The following DPYD variants were observed in gnomAD, a reference collection of about 807,000 sequenced individuals.
DPYD encodes dihydropyrimidine dehydrogenase.
DPYD carries 109 observed loss-of-function variants against 116.2 expected under a neutral mutation model. The observed-to-expected ratio is 0.94, with a 90% confidence interval of 0.80 to 1.10. The LOEUF (loss-of-function observed/expected upper bound fraction) is 1.10. Ranked by LOEUF, DPYD falls within the 50% of genes least tolerant of loss-of-function variation. The pLI is 0.00. For synonymous variants in DPYD, 440 were observed against 432.0 expected, an observed-to-expected ratio of 1.02 and a Z score of -0.23; for missense variants, 1,302 against 1,254.5, an observed-to-expected ratio of 1.04 and a Z score of -0.57.
chr1:97,530,977 G>T (rs1246421133), intron 12 of DPYD, among the ~76,000 whole-genome samples: 1 of 151,840 alleles, frequency 6.6e-6, no homozygotes, highest in African/African-American at 2.4e-5. Context: ...TAAATATTTT[G>T]CTATTGAATT....
intron 5 of DPYD, among the ~76,000 whole-genome samples, chr1:97,703,175 G>T (rs185975851): frequency 3.9e-5 from 6 of 151,904 alleles, no homozygotes; most frequent in Admixed American, 2.6e-4. Flanking sequence ...GGTTTTCCCC[G>T]AGTTTAACAG....
chr1:97,507,564 A>C (rs542471935), intron 13 of DPYD, among the ~76,000 whole-genome samples: 1 of 152,152 alleles, frequency 6.6e-6, no homozygotes, highest in East Asian at 1.9e-4. Flanking sequence ...CAAGGTTTCC[A>C]AAATGAGTTT....
At chr1:97,787,076 A>G (rs1319589956) in intron 3 of DPYD, among the ~76,000 whole-genome samples, 2 of 152,218 alleles carry the variant, frequency 1.3e-5, no homozygotes, top group Admixed American at 1.3e-4. Flanking sequence ...TTTCCATACA[A>G]TAGTAATGAA....
At chr1:97,847,476 C>T (rs983030347) in intron 2 of DPYD, among the ~76,000 whole-genome samples, 1 of 152,092 alleles carries the variant, frequency 6.6e-6, no homozygotes, top group Non-Finnish European at 1.5e-5. Context: ...GAACACATTT[C>T]AAACACAGGC....
chr1:97,403,317 A>C (rs962935423), intron 14 of DPYD, among the ~76,000 whole-genome samples: 11 of 152,070 alleles, frequency 7.2e-5, no homozygotes, highest in Non-Finnish European at 1.5e-4. Context: ...TTGCTTTTGC[A>C]TCATCTTGAA....
At chr1:97,362,583 T>A (rs1342959718) in intron 16 of DPYD, among the ~76,000 whole-genome samples, 3 of 152,172 alleles carry the variant, frequency 2.0e-5, no homozygotes. Context: ...CAAGACAGCA[T>A]GATACTGGTA....
intron 14 of DPYD, among the ~76,000 whole-genome samples, chr1:97,398,581 G>A (rs12044876): frequency 0.19 from 29,094 of 151,840 alleles, 2,957 homozygotes; most frequent in South Asian, 0.37. Context: ...TAGTGTTCCT[G>A]TTTCTCCACA....
intron 20 of DPYD, among the ~76,000 whole-genome samples, chr1:97,134,007 AAAAAAAAATAT>A (rs1180924347): frequency 9.1e-5 from 4 of 44,170 alleles, no homozygotes; most frequent in Admixed American, 3.3e-4. Context: ...TCAAAAAAAA[AAAAAAAAATAT>A]ATATATATAT....
chr1:97,691,433 G>A, intron 7 of DPYD: 1 of 301,188 alleles, frequency 3.3e-6, no homozygotes, highest in Non-Finnish European at 6.3e-6. Flanking sequence ...CCTTCTATTA[G>A]CTGCACTGAA....
chr1:97,329,646 G>A (rs1300656724), intron 16 of DPYD, among the ~76,000 whole-genome samples: 5 of 150,852 alleles, frequency 3.3e-5, no homozygotes, highest in South Asian at 2.1e-4. Context: ...CTAGGCACTC[G>A]GGAAGCTGAT....
At position 97,788,688 on chromosome 1, in the gene DPYD, A is replaced by C. The variant is rs185565998; in HGVS notation, c.233+39426T>G. Among the ~76,000 whole-genome samples the C allele has an allele frequency of 2.2e-3, 341 of 152,360 alleles. 1 individual carries two copies. The highest frequency in any genetic ancestry group is 7.5e-3 in the African/African-American group (312 of 41,586). On this transcript the variant is annotated intron_variant, in intron 3 of 22. Transcript: ENST00000370192. ...AGGAGTACATAGGCCTATAGAATCC[A>C]ACCTGATTTTCCCAAGGCTAATCAG...
At position 97,456,185 on chromosome 1, in the gene DPYD, A is replaced by G. The variant is rs569970418; in HGVS notation, c.1741-5962T>C. Among the ~76,000 whole-genome samples the G allele has an allele frequency of 6.6e-5, 10 of 152,058 alleles. No individual in the cohort carries two copies. The South Asian group carries it at 2.1e-3, about 32-fold the overall frequency. On this transcript the variant is annotated intron_variant, in intron 13 of 22. Coordinates refer to ENST00000370192, the MANE Select transcript of DPYD (RefSeq NM_000110.4). Reference sequence around the variant, plus strand: ...GTGCTTATGTGATATGGATAATAATAATGTTGTTAGTGACCTCTTAACATT... The same window carrying G: ...GTGCTTATGTGATATGGATAATAATGATGTTGTTAGTGACCTCTTAACATT...
At chr1:97,843,002 A>C (rs1393883115) in intron 2 of DPYD, among the ~76,000 whole-genome samples, 1 of 152,086 alleles carries the variant, frequency 6.6e-6, no homozygotes, top group African/African-American at 2.4e-5. Flanking sequence ...GAAAACAGCT[A>C]GTCTTCTTTC....
chr1:97,712,635 C>T (rs186966014), intron 5 of DPYD, among the ~76,000 whole-genome samples: 4 of 151,974 alleles, frequency 2.6e-5, no homozygotes, highest in Non-Finnish European at 4.4e-5. Context: ...GGGCACTCCC[C>T]CTATGGCTTT....
At chr1:97,268,932 A>G (rs2100882694) in intron 18 of DPYD, among the ~76,000 whole-genome samples, 1 of 152,338 alleles carries the variant, frequency 6.6e-6, no homozygotes, top group African/African-American at 2.4e-5. Flanking sequence ...TATGTGGCTA[A>G]GTTGAGAGTT....
intron 3 of DPYD, among the ~76,000 whole-genome samples, chr1:97,764,266 T>C (rs919977992): frequency 5.3e-5 from 8 of 152,118 alleles, no homozygotes; most frequent in African/African-American, 1.9e-4. Flanking sequence ...AAATGCATAG[T>C]TAGATCCATA....
chr1:97,342,619 A>C (rs1163119033), intron 16 of DPYD, among the ~76,000 whole-genome samples: 1 of 152,150 alleles, frequency 6.6e-6, no homozygotes, highest in African/African-American at 2.4e-5. Context: ...AAACCCCTTA[A>C]TTTACATTCC....
intron 18 of DPYD, among the ~76,000 whole-genome samples, chr1:97,236,263 C>G (rs922730876): frequency 1.3e-5 from 2 of 152,116 alleles, no homozygotes; most frequent in African/African-American, 4.8e-5. Flanking sequence ...TTCAGCCTCA[C>G]GTGGTGAGTT....
At chr1:97,731,679 T>A (rs1329897553) in intron 4 of DPYD, among the ~76,000 whole-genome samples, 1 of 152,060 alleles carries the variant, frequency 6.6e-6, no homozygotes, top group African/African-American at 2.4e-5. Flanking sequence ...GGTTTCAAAT[T>A]TCTTTTCTAT....
Sources: gnomAD v4.1 joint callset for allele counts (sites outside exome capture counted in the v4.1 genomes callset) on GRCh38, gnomAD v4.1.1 for gene constraint, MANE v1.5 for transcripts, NCBI Gene and HGNC (gene_info 2026-07-23, HGNC 2026-07-21) for gene names.